MALRD1: variants seen among roughly 807,000 people sequenced by gnomAD.
MALRD1 encodes the protein MAM and LDL receptor class A domain containing 1, also known as MAM and LDL-receptor class A domain-containing protein 1.
A neutral mutation model predicts 242.1 loss-of-function variants in MALRD1; 247 were observed. That is an observed-to-expected ratio of 1.02 (90% CI 0.92 to 1.13). The LOEUF is 1.13. Among genes scored for constraint, MALRD1 ranks in the 50% most tolerant of loss-of-function variants. The pLI is 0.00. For missense variants in MALRD1, 2,989 were observed against 2,533.1 expected, an observed-to-expected ratio of 1.18 and a Z score of -3.86; for synonymous variants, 995 against 866.6, an observed-to-expected ratio of 1.15 and a Z score of -2.60.
intron 29 of MALRD1, among the ~76,000 whole-genome samples, chr10:19,479,302 C>T (rs187930488): frequency 3.9e-5 from 6 of 152,092 alleles, no homozygotes; most frequent in Admixed American, 3.9e-4. Flanking sequence ...ATATCTGGAG[C>T]CCCAGGAGAG....
Position 19,626,785 on chromosome 10 carries a change from C to T in MALRD1, c.6137+10862C>T, listed in dbSNP as rs562036003. Among the ~76,000 whole-genome samples the T allele has an allele frequency of 3.3e-5, 5 of 151,310 alleles. No individual in the cohort carries two copies. In the East Asian group the frequency reaches 9.7e-4, roughly 29 times the overall value. On this transcript the variant is annotated intron_variant, in intron 36 of 39. Coordinates refer to ENST00000454679, the MANE Select transcript of MALRD1 (RefSeq NM_001142308.3). Reference sequence around the variant, plus strand: ...AGAGTTAGTGATTTTCAATATTGCACAAATGACCATTAGCCAATTAATTAC... The same window carrying T: ...AGAGTTAGTGATTTTCAATATTGCATAAATGACCATTAGCCAATTAATTAC...
chr10:19,478,302 C>T (rs977719302), intron 29 of MALRD1, among the ~76,000 whole-genome samples: 1 of 152,104 alleles, frequency 6.6e-6, no homozygotes, highest in African/African-American at 2.4e-5. Context: ...CTCAGTTGAA[C>T]CTGCTTCCTT....
At chr10:19,248,381 A>T (rs964998511) in intron 18 of MALRD1, among the ~76,000 whole-genome samples, 2 of 145,192 alleles carry the variant, frequency 1.4e-5, no homozygotes, top group Non-Finnish European at 3.0e-5. Context: ...AATGAATATT[A>T]AGGTGCCATG....
Position 19,252,030 on chromosome 10 carries a change from G to T in MALRD1, c.2992-5654G>T, listed in dbSNP as rs141345118. ...CCAAGCCATGCTTACTGTACAGGCT[G>T]TGGAACTGTGAGTCAATGAAACCTC... On this transcript the variant is annotated intron_variant, in intron 18 of 39. Transcript: ENST00000454679. Among the ~76,000 whole-genome samples, 652 of 152,128 alleles carry T rather than the reference G, an allele frequency of 4.3e-3. 5 individuals carry two copies. The highest frequency in any genetic ancestry group is 0.014 in the African/African-American group (595 of 41,530).
chr10:19,054,436 CTT>C (rs1161823576), intron 1 of MALRD1, among the ~76,000 whole-genome samples: 1 of 152,082 alleles, frequency 6.6e-6, no homozygotes, highest in Non-Finnish European at 1.5e-5. Flanking sequence ...GAAATTTACT[CTT>C]AGTTATTTTG....
chr10:19,671,028 G>A (rs1002624996), intron 36 of MALRD1, among the ~76,000 whole-genome samples: 6 of 151,810 alleles, frequency 4.0e-5, no homozygotes, highest in Non-Finnish European at 5.9e-5. Flanking sequence ...ACAGGCACCC[G>A]CCACCACGCC....
At chr10:19,411,841 A>G (rs910994386) in intron 28 of MALRD1, among the ~76,000 whole-genome samples, 1 of 152,226 alleles carries the variant, frequency 6.6e-6, no homozygotes, top group African/African-American at 2.4e-5. Flanking sequence ...TATTAAGTTC[A>G]TGGATGGAAA....
At chr10:19,703,258 C>T (rs1056281522) in intron 38 of MALRD1, among the ~76,000 whole-genome samples, 5 of 152,154 alleles carry the variant, frequency 3.3e-5, no homozygotes, top group East Asian at 1.9e-4. Context: ...TCTTTTTGCT[C>T]GTCTGTTTTG....
chr10:19,171,482 A>G (rs1473513255), intron 13 of MALRD1, among the ~76,000 whole-genome samples: 19 of 139,994 alleles, frequency 1.4e-4, no homozygotes, highest in African/African-American at 3.8e-4. Context: ...ACACACACAC[A>G]TATATACACA....
chr10:19,428,174 C>T (rs979479027), intron 28 of MALRD1, among the ~76,000 whole-genome samples: 5 of 151,724 alleles, frequency 3.3e-5, no homozygotes, highest in Admixed American at 1.3e-4. Context: ...GAGGCGTTGG[C>T]AATTAGGAGA....
intron 21 of MALRD1, among the ~76,000 whole-genome samples, chr10:19,289,298 A>C (rs748659230): frequency 9.8e-5 from 15 of 152,302 alleles, no homozygotes; most frequent in Non-Finnish European, 1.8e-4. Flanking sequence ...TACCACTTTC[A>C]ATAGACTGGA....
At chr10:19,206,437 G>A (rs1836788361) in intron 17 of MALRD1, among the ~76,000 whole-genome samples, 2 of 152,016 alleles carry the variant, frequency 1.3e-5, no homozygotes, top group Non-Finnish European at 2.9e-5. Context: ...ATTCATTTTT[G>A]CAAATTTCGA....
At chr10:19,478,782 G>A (rs1305079447) in intron 29 of MALRD1, among the ~76,000 whole-genome samples, 2 of 152,060 alleles carry the variant, frequency 1.3e-5, no homozygotes, top group Non-Finnish European at 2.9e-5. Context: ...TGTTTATATA[G>A]AGTATCAAAG....
intron 21 of MALRD1, among the ~76,000 whole-genome samples, chr10:19,288,990 T>A (rs1841278138): frequency 6.6e-6 from 1 of 152,162 alleles, no homozygotes; most frequent in African/African-American, 2.4e-5. Flanking sequence ...CTCTCTTTTG[T>A]CATTGTTTTT....
At chr10:19,526,296 A>C (rs1340752647) in intron 31 of MALRD1, among the ~76,000 whole-genome samples, 2 of 151,696 alleles carry the variant, frequency 1.3e-5, no homozygotes, top group African/African-American at 4.8e-5. Flanking sequence ...TTTCTGGATA[A>C]TTCATGAATT....
rs1190561512 is a variant in MALRD1 at position 19,205,181 on chromosome 10, C to T, written c.2494C>T (p.Arg832Cys). Residue 832 changes from arginine to cysteine, a missense_variant, in exon 17 of 40, where the codon CGC (arginine) becomes TGC (cysteine). Physicochemically the swap from Arg to Cys is radical, Grantham distance 180. Transcript: ENST00000454679. ...TGAAGGGCTGGATCATTTCTGGTGT[C>T]GCCACACCAGGGCTTGCATAGAAAA... ...SCEGLDHFWC[R>C]HTRACIEKLR... The T allele has an allele frequency of 1.3e-5, 20 of 1,550,764 alleles. No homozygotes were observed. Among genetic ancestry groups the T allele is most frequent in the Admixed American group, 5.9e-5 (3 of 50,958 alleles).
rs1401959505 is a variant in MALRD1, at chr10:19,428,736, G to C, written c.4846-21571G>C. On this transcript the variant is annotated intron_variant, in intron 28 of 39. Coordinates refer to ENST00000454679, the MANE Select transcript of MALRD1 (RefSeq NM_001142308.3). ...AAAAGTTACATTATTTAAACCGCAA[G>C]CATACTGAAATGTTTAAAGTTTACG... 2.0e-5 allele frequency among the ~76,000 whole-genome samples: 3 copies of C among 151,978 alleles called. 1 individual carries two copies. Among genetic ancestry groups the C allele is most frequent in the South Asian group, 4.2e-4 (2 of 4,818 alleles).
At chr10:19,128,462 A>G in intron 8 of MALRD1, 75 bp downstream of exon 8, 1 of 1,020,030 alleles carries the variant, frequency 9.8e-7, no homozygotes, top group South Asian at 5.1e-5. Context: ...TTGTGTTTCG[A>G]TTTCTCAGTT....
intron 14 of MALRD1, among the ~76,000 whole-genome samples, chr10:19,180,584 G>T (rs995434037): frequency 3.3e-5 from 5 of 152,134 alleles, no homozygotes; most frequent in Non-Finnish European, 7.4e-5. Context: ...ATGTAAGAAA[G>T]TCCTAAATTT....
Sources: gnomAD v4.1 joint callset for allele counts (sites outside exome capture counted in the v4.1 genomes callset) on GRCh38, gnomAD v4.1.1 for gene constraint, MANE v1.5 for transcripts, NCBI Gene and HGNC (gene_info 2026-07-23, HGNC 2026-07-21) for gene names.